The following MICAL3 variants were observed in gnomAD, a reference collection of about 807,000 sequenced individuals.
MICAL3 encodes the protein microtubule associated monooxygenase, calponin and LIM domain containing 3.
MICAL3 carries 62 observed loss-of-function variants against 207.4 expected under a neutral mutation model. That is an observed-to-expected ratio of 0.30 (90% CI 0.24 to 0.37). The LOEUF is 0.37. MICAL3 is among the 10% of genes least tolerant of loss of function. The probability of loss-of-function intolerance (pLI) is 1.00; values close to 1 mark genes in which losing one functional copy is unlikely to be tolerated. For synonymous variants in MICAL3, 1,077 were observed against 1,069.3 expected (o/e 1.01, Z -0.14); for missense variants, 2,368 against 2,635.6 (o/e 0.90, Z 2.22).
At chr22:18,016,238 T>C (rs890912811) in intron 1 of MICAL3, among the ~76,000 whole-genome samples, 1 of 152,202 alleles carries the variant, frequency 6.6e-6, no homozygotes, top group Non-Finnish European at 1.5e-5. Flanking sequence ...TATAATGGTG[T>C]TGTAATTTGC....
chr22:17,890,384 T>C (rs966327506), intron 12 of MICAL3, among the ~76,000 whole-genome samples: 10 of 152,184 alleles, frequency 6.6e-5, no homozygotes, highest in African/African-American at 2.4e-4. Flanking sequence ...CACTTCTGCC[T>C]GTTCCCTTTG....
intron 1 of MICAL3, among the ~76,000 whole-genome samples, chr22:17,929,265 ATTT>A (rs71201889): frequency 0.08 from 10,634 of 133,394 alleles, 573 homozygotes; most frequent in African/African-American, 0.16. Flanking sequence ...CGCCTGGCTA[ATTT>A]TTTTTTTTTT....
At chr22:17,808,715 A>G (rs2062012864) in intron 29 of MICAL3, 129 bp downstream of exon 29, 4 of 729,990 alleles carry the variant, frequency 5.5e-6, no homozygotes, top group South Asian at 1.8e-5. Context: ...AATCTCAGAG[A>G]TGAAGGGCCC....
At chr22:17,814,353 T>C (rs1375215421) in intron 27 of MICAL3, 5 of 152,274 alleles carry the variant, frequency 3.3e-5, no homozygotes, top group Non-Finnish European at 5.9e-5. Flanking sequence ...CATTGGTAGA[T>C]ACCACGACCC....
intron 1 of MICAL3, among the ~76,000 whole-genome samples, chr22:17,960,325 C>T (rs1428740747): frequency 6.6e-6 from 1 of 152,214 alleles, no homozygotes; most frequent in African/African-American, 2.4e-5. Flanking sequence ...CATGCGTGTG[C>T]ATGTGTCCTG....
chr22:17,898,748 G>C (rs1458825194), intron 7 of MICAL3, among the ~76,000 whole-genome samples: 1 of 152,162 alleles, frequency 6.6e-6, no homozygotes, highest in African/African-American at 2.4e-5. Context: ...CCACGCGGTG[G>C]TCTTCTGACT....
chr22:17,843,601 CAT>C (rs1368010564), intron 19 of MICAL3, among the ~76,000 whole-genome samples: 11 of 152,242 alleles, frequency 7.2e-5, no homozygotes, highest in Admixed American at 7.2e-4. Flanking sequence ...CACACATACT[CAT>C]GTGGGGGTGC....
intron 1 of MICAL3, among the ~76,000 whole-genome samples, chr22:17,947,204 A>T (rs1452294233): frequency 6.6e-6 from 1 of 152,210 alleles, no homozygotes. Flanking sequence ...GCACGCGTTC[A>T]TCTTGCAGCC....
intron 27 of MICAL3, among the ~76,000 whole-genome samples, chr22:17,815,849 C>T (rs1419816568): frequency 6.6e-6 from 1 of 152,252 alleles, no homozygotes; most frequent in Non-Finnish European, 1.5e-5. Context: ...GGCTCAGGCG[C>T]ACCAAGGCCC....
At chr22:17,979,878 C>T (rs995906247) in intron 1 of MICAL3, among the ~76,000 whole-genome samples, 18 of 152,020 alleles carry the variant, frequency 1.2e-4, no homozygotes, top group African/African-American at 3.6e-4. Flanking sequence ...TCACCTAGGC[C>T]GGAGTACAGC....
At chr22:17,921,689 A>T (rs1415450678) in intron 1 of MICAL3, among the ~76,000 whole-genome samples, 1 of 152,048 alleles carries the variant, frequency 6.6e-6, no homozygotes, top group Non-Finnish European at 1.5e-5. Flanking sequence ...GGATTTCACC[A>T]TGTTGGCCAG....
At chr22:17,888,548 G>A (rs937112349) in intron 13 of MICAL3, among the ~76,000 whole-genome samples, 1 of 152,152 alleles carries the variant, frequency 6.6e-6, no homozygotes, top group Non-Finnish European at 1.5e-5. Flanking sequence ...ATCGTTCTCC[G>A]GTGCTCAACA....
intron 1 of MICAL3, among the ~76,000 whole-genome samples, chr22:17,907,284 T>C (rs971451164): frequency 2.6e-5 from 4 of 152,076 alleles, no homozygotes; most frequent in African/African-American, 9.7e-5. Context: ...GCATAAATGT[T>C]AGCCAGGCAG....
chr22:17,837,319 T>C (rs990144188), intron 20 of MICAL3, among the ~76,000 whole-genome samples: 2 of 152,226 alleles, frequency 1.3e-5, no homozygotes, highest in African/African-American at 4.8e-5. Context: ...AGAGCGGCCT[T>C]CTCTCACTTT....
chr22:17,889,092 G>A lies in MICAL3; in HGVS notation c.1833C>T (p.Ser611=). Residue 611 remains serine, a synonymous_variant, in exon 13 of 32, where the codon TCC becomes TCT. Transcript: ENST00000441493. The part of the protein sequence containing the change: ...MASVGEPDKL[S]MVMYLTQFYE... ...AGAACTGAGTCAGGTACATCACCAT[G>A]GACAGCTTATCAGGCTCCCCCACGG... is the stretch of plus-strand genomic sequence containing the variant. 2 of 1,613,748 alleles carry A rather than the reference G, an allele frequency of 1.2e-6. No homozygotes were observed.
chr22:17,820,389 C>A (rs1010328339), intron 25 of MICAL3, among the ~76,000 whole-genome samples: 1 of 152,210 alleles, frequency 6.6e-6, no homozygotes, highest in African/African-American at 2.4e-5. Context: ...GAGTCTCGCT[C>A]TGTCGCCCAG....
intron 1 of MICAL3, among the ~76,000 whole-genome samples, chr22:18,022,302 G>A (rs2034298): frequency 0.21 from 31,699 of 152,026 alleles, 3,849 homozygotes; most frequent in East Asian, 0.38. Flanking sequence ...ATAGGCTTAC[G>A]AGGGACTCGC....
chr22:17,985,026 C>T (rs1228279691), intron 1 of MICAL3, among the ~76,000 whole-genome samples: 16 of 152,138 alleles, frequency 1.1e-4, no homozygotes, highest in East Asian at 1.9e-4. Flanking sequence ...ATCCGGAGCA[C>T]GGAGGGAAGG....
At chr22:17,979,261 C>T (rs34364976) in intron 1 of MICAL3, among the ~76,000 whole-genome samples, 40,892 of 151,652 alleles carry the variant, frequency 0.27, 5,957 homozygotes, top group African/African-American at 0.37. Context: ...CATATGTAAA[C>T]GGCCCAGGTA....
Sources: allele counts gnomAD v4.1 joint callset (sites outside exome capture counted in the v4.1 genomes callset), GRCh38; gene constraint gnomAD v4.1.1; transcripts MANE v1.5; gene names NCBI Gene and HGNC (gene_info 2026-07-23, HGNC 2026-07-21).